BBS9: variants seen among roughly 807,000 people sequenced by gnomAD.
BBS9 encodes Bardet-Biedl syndrome 9.
A neutral mutation model predicts 117.7 loss-of-function variants in BBS9; 89 were observed. The ratio of observed to expected loss-of-function variants is 0.76; its 90% CI spans 0.64 to 0.90. The LOEUF is 0.90. Ranked by LOEUF, BBS9 falls within the 40% of genes least tolerant of loss-of-function variation. The probability of loss-of-function intolerance (pLI) is 0.00; values close to 1 mark genes in which losing one functional copy is unlikely to be tolerated. For synonymous variants in BBS9, 379 were observed against 370.9 expected (o/e 1.02, Z -0.25); for missense variants, 982 against 1,042.2 (o/e 0.94, Z 0.80).
Position 33,407,489 on chromosome 7 carries a change from C to T in BBS9, c.2115+19345C>T, listed in dbSNP as rs1225418524. Among the ~76,000 whole-genome samples the T allele has an allele frequency of 2.0e-5, 3 of 152,212 alleles. No individual in the cohort carries two copies. In the East Asian group the frequency reaches 5.8e-4, roughly 29 times the overall value. On this transcript the variant is annotated intron_variant, in intron 19 of 22. Coordinates refer to ENST00000242067, the MANE Select transcript of BBS9 (RefSeq NM_198428.3). ...CCGTTGCTGGTGAGGAACTGCATTC[C>T]TTTGGAGGAGGAGAGGCGCTCTGCT...
At chr7:33,172,035 G>A (rs1274786213) in intron 4 of BBS9, among the ~76,000 whole-genome samples, 1 of 151,940 alleles carries the variant, frequency 6.6e-6, no homozygotes, top group East Asian at 1.9e-4. Flanking sequence ...CAGGGGAGAA[G>A]GGAGCATATT....
At chr7:33,554,633 A>G (rs1285319821) in intron 21 of BBS9, among the ~76,000 whole-genome samples, 1 of 152,184 alleles carries the variant, frequency 6.6e-6, no homozygotes, top group East Asian at 1.9e-4. Context: ...TCGAAGACTC[A>G]GTTTTGGCTA....
At position 33,475,959 on chromosome 7, in the gene BBS9, A is replaced by G. The variant is rs534771733; in HGVS notation, c.2116-29504A>G. ...CTAGAATCTAATCGCAAAATTGAAG[A>G]AAGTTTAGAGTCTGGTGCAATAAAT... On this transcript the variant is annotated intron_variant, in intron 19 of 22. Transcript: ENST00000242067. Among the ~76,000 whole-genome samples, 15 of 152,298 alleles carry G rather than the reference A, an allele frequency of 9.8e-5. No individual in the cohort carries two copies. In the South Asian group the frequency reaches 2.9e-3, roughly 29 times the overall value.
intron 21 of BBS9, among the ~76,000 whole-genome samples, chr7:33,602,781 G>A (rs138865961): frequency 6.6e-6 from 1 of 152,230 alleles, no homozygotes; most frequent in African/African-American, 2.4e-5. Flanking sequence ...AGGGCAAGTG[G>A]CTGGTCAGCC....
intron 9 of BBS9, among the ~76,000 whole-genome samples, chr7:33,280,114 T>G (rs1461608095): frequency 2.0e-5 from 3 of 152,256 alleles, no homozygotes; most frequent in African/African-American, 2.4e-5. Context: ...CAATAGTCAC[T>G]TATTTTAAAT....
At chr7:33,305,308 G>C (rs928851183) in intron 9 of BBS9, among the ~76,000 whole-genome samples, 15 of 152,042 alleles carry the variant, frequency 9.9e-5, no homozygotes, top group Non-Finnish European at 7.4e-5. Context: ...CAGTTTGCTA[G>C]TATTTTGTTG....
intron 21 of BBS9, among the ~76,000 whole-genome samples, chr7:33,620,695 A>T (rs1300860165): frequency 6.6e-6 from 1 of 152,194 alleles, no homozygotes; most frequent in African/African-American, 2.4e-5. Context: ...ATACAAACCC[A>T]TCAAAATTCC....
chr7:33,631,305 A>G (rs890276564), intron 21 of BBS9, among the ~76,000 whole-genome samples: 1 of 152,146 alleles, frequency 6.6e-6, no homozygotes, highest in Non-Finnish European at 1.5e-5. Flanking sequence ...GCAGCGTTCC[A>G]TGCCAGCGGG....
chr7:33,300,151 T>A (rs1044361563), intron 9 of BBS9, among the ~76,000 whole-genome samples: 12 of 152,156 alleles, frequency 7.9e-5, no homozygotes, highest in African/African-American at 2.9e-4. Context: ...ATAGGAGCTG[T>A]TGCCTTAGAT....
chr7:33,131,703 G>A (rs1789636554), intron 1 of BBS9, among the ~76,000 whole-genome samples: 1 of 152,060 alleles, frequency 6.6e-6, no homozygotes, highest in South Asian at 2.1e-4. Context: ...CATATTGTAG[G>A]ACTAGGTCAA....
Position 33,564,510 on chromosome 7 carries a change from G to A in BBS9, c.2521+30334G>A, listed in dbSNP as rs115100637. 1.0e-3 allele frequency among the ~76,000 whole-genome samples: 159 copies of A among 152,272 alleles called. 1 individual carries two copies. The highest frequency in any genetic ancestry group is 3.8e-3 in the African/African-American group (156 of 41,566). The stretch of plus-strand genomic sequence containing the variant: ...GTAAGGACTGATCAAGATAATGCAT[G>A]GAAGACACTTAGCATAGGACCTAGC... On this transcript the variant is annotated intron_variant, in intron 21 of 22. Transcript: ENST00000242067.
intron 21 of BBS9, among the ~76,000 whole-genome samples, chr7:33,572,402 T>C (rs911969105): frequency 2.0e-5 from 3 of 152,156 alleles, no homozygotes; most frequent in Non-Finnish European, 4.4e-5. Flanking sequence ...GCAATAAACA[T>C]GGGAATGCAG....
intron 19 of BBS9, among the ~76,000 whole-genome samples, chr7:33,488,127 A>G (rs1201333775): frequency 6.6e-6 from 1 of 152,088 alleles, no homozygotes; most frequent in Non-Finnish European, 1.5e-5. Context: ...AGCCAACTGT[A>G]TTCATGCTTC....
intron 9 of BBS9, among the ~76,000 whole-genome samples, chr7:33,288,509 C>T (rs1327079179): frequency 2.0e-5 from 3 of 152,120 alleles, no homozygotes; most frequent in Admixed American, 6.5e-5. Context: ...ATAATTAGCA[C>T]GTATGTTCTA....
At chr7:33,303,706 G>A (rs924904859) in intron 9 of BBS9, among the ~76,000 whole-genome samples, 1 of 151,952 alleles carries the variant, frequency 6.6e-6, no homozygotes, top group Non-Finnish European at 1.5e-5. Flanking sequence ...ACGGGGTTTC[G>A]CCGTGTTGAC....
At chr7:33,616,007 G>C (rs1003091178) in intron 21 of BBS9, among the ~76,000 whole-genome samples, 6 of 152,012 alleles carry the variant, frequency 3.9e-5, no homozygotes, top group Admixed American at 3.3e-4. Context: ...AAAACTGAGG[G>C]AATTTGTTGT....
chr7:33,134,823 C>A (rs543000387), intron 1 of BBS9, among the ~76,000 whole-genome samples: 20 of 152,172 alleles, frequency 1.3e-4, no homozygotes, highest in African/African-American at 4.6e-4. Flanking sequence ...CTCAATCTCT[C>A]AGGCTTAAGC....
At chr7:33,606,505 G>T (rs1864576637), downstream of BBS9, among the ~76,000 whole-genome samples, 1 of 152,114 alleles carries the variant, frequency 6.6e-6, no homozygotes, top group African/African-American at 2.4e-5. Context: ...GCTTTGGACT[G>T]GAAAATATAT....
chr7:33,534,939 T>G (rs1295889104), intron 21 of BBS9, among the ~76,000 whole-genome samples: 1 of 152,194 alleles, frequency 6.6e-6, no homozygotes, highest in East Asian at 1.9e-4. Context: ...AACCACAGTG[T>G]GGGAAGTGGT....
Sources: gnomAD v4.1 joint callset for allele counts (sites outside exome capture counted in the v4.1 genomes callset) on GRCh38, gnomAD v4.1.1 for gene constraint, MANE v1.5 for transcripts, NCBI Gene and HGNC (gene_info 2026-07-23, HGNC 2026-07-21) for gene names.